ERC1: variants seen among roughly 807,000 people sequenced by gnomAD.
ERC1 encodes the protein RAB6 interacting protein 2.
ERC1 carries 56 observed loss-of-function variants against 132.0 expected under a neutral mutation model. The observed-to-expected ratio is 0.42, with a 90% CI of 0.34 to 0.53. ERC1 has a LOEUF of 0.53. Ranked by LOEUF, ERC1 falls within the 20% of genes least tolerant of loss-of-function variation. ERC1 has a pLI of 0.03. For missense variants in ERC1, 1,202 were observed against 1,349.9 expected (o/e 0.89, Z 1.72); for synonymous variants, 478 against 476.1 (o/e 1.00, Z -0.05).
At chr12:1,102,718 A>G (rs1944808679) in intron 3 of ERC1, among the ~76,000 whole-genome samples, 9 of 152,232 alleles carry the variant, frequency 5.9e-5, no homozygotes, top group Admixed American at 5.9e-4. Context: ...ACATTCTCGT[A>G]GAGAATAATA....
At chr12:1,370,375 A>G (rs2087087718) in intron 15 of ERC1, among the ~76,000 whole-genome samples, 1 of 152,256 alleles carries the variant, frequency 6.6e-6, no homozygotes, top group East Asian at 1.9e-4. Flanking sequence ...CAGTAAAGCC[A>G]CAACTGCAAA....
chr12:1,170,392 T>C (rs1159758825), intron 8 of ERC1, among the ~76,000 whole-genome samples: 8 of 152,182 alleles, frequency 5.3e-5, no homozygotes, highest in Admixed American at 3.3e-4. Flanking sequence ...AAATATTGGA[T>C]CTCTCATCAC....
chr12:1,060,129 A>G (rs1973716437), intron 2 of ERC1, among the ~76,000 whole-genome samples: 1 of 151,044 alleles, frequency 6.6e-6, no homozygotes, highest in South Asian at 2.1e-4. Flanking sequence ...ATAGTTCCAC[A>G]TGGCTGGGGA....
intron 1 of ERC1, among the ~76,000 whole-genome samples, chr12:995,808 C>A (rs1004694734): frequency 1.3e-5 from 2 of 151,778 alleles, no homozygotes; most frequent in Non-Finnish European, 1.5e-5. Flanking sequence ...CTTCTAGATA[C>A]GTGAGGGGAA....
In ERC1 at chr12:1,492,907, A is replaced by T. The variant is rs770460932; in HGVS notation, c.*2677A>T. ...CCTCTCCTAGTGGTCATGGTTTCAT[A>T]TGGGCATACAACTGCTACTGAAGTT... On this transcript the variant is annotated 3_prime_UTR_variant, in exon 19 of 19. Transcript: ENST00000360905. 37 of 228,600 alleles carry T rather than the reference A, an allele frequency of 1.6e-4. No homozygotes were observed. Among genetic ancestry groups the T allele is most frequent in the Non-Finnish European group, 3.2e-4 (37 of 115,240 alleles). The allele number at this position is 228,600 out of a possible 1,614,324, so 14.2% of individuals were successfully genotyped here.
intron 1 of ERC1, among the ~76,000 whole-genome samples, chr12:1,000,437 G>A (rs1961990748): frequency 6.6e-6 from 1 of 150,442 alleles, no homozygotes; most frequent in South Asian, 2.1e-4. Flanking sequence ...AGTGAACTGG[G>A]ATTACACCAC....
chr12:1,008,366 A>G (rs1964091569), intron 1 of ERC1, among the ~76,000 whole-genome samples: 1 of 152,222 alleles, frequency 6.6e-6, no homozygotes, highest in Admixed American at 6.5e-5. Context: ...GGATTTTATA[A>G]CTTATTTAAC....
intron 15 of ERC1, among the ~76,000 whole-genome samples, chr12:1,367,338 G>A (rs1272216419): frequency 6.6e-6 from 1 of 152,128 alleles, no homozygotes; most frequent in Non-Finnish European, 1.5e-5. Context: ...TATTTTTCCA[G>A]ATGTTTTCAG....
intron 13 of ERC1, among the ~76,000 whole-genome samples, chr12:1,250,893 A>G (rs1354104697): frequency 2.0e-5 from 3 of 152,188 alleles, no homozygotes; most frequent in Non-Finnish European, 4.4e-5. Flanking sequence ...AGAGAGATTA[A>G]TGGAATGCTG....
At chr12:1,117,037 C>T (rs1339623042) in intron 7 of ERC1, among the ~76,000 whole-genome samples, 1 of 151,936 alleles carries the variant, frequency 6.6e-6, no homozygotes, top group African/African-American at 2.4e-5. Flanking sequence ...TTTCAATGAT[C>T]GAAGAGAAAG....
At chr12:1,056,748 G>C (rs889881413) in intron 2 of ERC1, among the ~76,000 whole-genome samples, 53 of 152,282 alleles carry the variant, frequency 3.5e-4, no homozygotes, top group African/African-American at 1.3e-3. Context: ...TGGCCCCCAG[G>C]TAGCCGTTTT....
intron 16 of ERC1, among the ~76,000 whole-genome samples, chr12:1,405,439 C>T (rs1198996722): frequency 1.3e-5 from 2 of 152,092 alleles, no homozygotes; most frequent in African/African-American, 2.4e-5. Context: ...CACAGTTGCT[C>T]ACGCCTGTAA....
At chr12:1,313,256 C>G (rs2154350858) in intron 15 of ERC1, among the ~76,000 whole-genome samples, 1 of 152,178 alleles carries the variant, frequency 6.6e-6, no homozygotes, top group African/African-American at 2.4e-5. Flanking sequence ...ATCACCATAT[C>G]AAAGACCCAC....
chr12:1,282,708 A>G (rs2078763878), intron 14 of ERC1, among the ~76,000 whole-genome samples: 1 of 152,208 alleles, frequency 6.6e-6, no homozygotes. Context: ...TTTCACTAAT[A>G]CTTCAAAAAT....
chr12:1,080,332 C>A (rs761178188), intron 2 of ERC1, among the ~76,000 whole-genome samples: 1 of 152,152 alleles, frequency 6.6e-6, no homozygotes, highest in Non-Finnish European at 1.5e-5. Flanking sequence ...CCTTCTTTAT[C>A]AATTCGACTG....
rs531252268 is a variant in ERC1, at chr12:1,003,625, A to G, written c.-157+12303A>G. ...ATAGGAGACGTCATTGTCTTTTCCC[A>G]TCTCAAAGGGAAATCTTTCAACTTT... On this transcript the variant is annotated intron_variant, in intron 1 of 18. Transcript: ENST00000360905. Among the ~76,000 whole-genome samples, 5 of 152,130 alleles carry G rather than the reference A, an allele frequency of 3.3e-5. No homozygotes were observed. In the East Asian group the frequency reaches 7.7e-4, roughly 24 times the overall value.
chr12:1,361,098 CA>C (rs760525917), intron 15 of ERC1, among the ~76,000 whole-genome samples: 2,626 of 48,134 alleles, frequency 0.055, 61 homozygotes, highest in African/African-American at 0.16. Flanking sequence ...GGCTCTGTCT[CA>C]AAAAAAAAAA....
rs140872480 is a variant in ERC1 at position 1,351,116 on chromosome 12, C to T, written c.2781-20717C>T. Among the ~76,000 whole-genome samples, 280 of 152,242 alleles carry T rather than the reference C, an allele frequency of 1.8e-3. 1 individual carries two copies. The East Asian group carries it at 0.027, about 15-fold the overall frequency. ...GGAATCAAATTTCAACATGAGTTTT[C>T]GTGGGGACAGACAAACCATATCCAC... On this transcript the variant is annotated intron_variant, in intron 15 of 18. Coordinates refer to ENST00000360905, the MANE Select transcript of ERC1 (RefSeq NM_178040.4).
chr12:1,119,816 C>G (rs1946878378), intron 7 of ERC1, among the ~76,000 whole-genome samples: 1 of 152,080 alleles, frequency 6.6e-6, no homozygotes. Flanking sequence ...ACCCAAAGTG[C>G]TGGGATTACA....
Sources: gnomAD v4.1 joint callset for allele counts (sites outside exome capture counted in the v4.1 genomes callset) on GRCh38, gnomAD v4.1.1 for gene constraint, MANE v1.5 for transcripts, NCBI Gene and HGNC (gene_info 2026-07-23, HGNC 2026-07-21) for gene names.